GGT1: variants seen among roughly 807,000 people sequenced by gnomAD.
GGT1 encodes the protein gamma-glutamyltransferase 1.
A neutral mutation model predicts 56.0 loss-of-function variants in GGT1; 21 were observed. That is an observed-to-expected ratio of 0.38 (90% CI 0.27 to 0.54). GGT1 has a LOEUF of 0.54. Among genes scored for constraint, GGT1 ranks in the 20% least tolerant of loss-of-function variants. GGT1 has a pLI of 0.82. For missense variants in GGT1, 466 were observed against 787.0 expected (o/e 0.59, Z 4.88); for synonymous variants, 238 against 342.6 (o/e 0.69, Z 3.37).
the GGT1 span, chr22:24,588,216 G>C: frequency 6.2e-7 from 1 of 1,611,516 alleles, no homozygotes; most frequent in Non-Finnish European, 8.5e-7. Context: ...ACCCTTACCA[G>C]CTCTGGGTCT....
Position 24,628,509 on chromosome 22 carries a change from C to T in GGT1, c.1563+121C>T, listed in dbSNP as rs1164545363. The T allele has an allele frequency of 2.2e-6, 3 of 1,347,144 alleles. No homozygotes were observed. The highest frequency in any genetic ancestry group is 2.4e-5 in the East Asian group (1 of 40,932). The allele number at this position is 1,347,144 out of a possible 1,614,324, so 83.4% of individuals were successfully genotyped here. On this transcript the variant is annotated intron_variant, in intron 15 of 15. Transcript: ENST00000400382. This position sits in a 1 kb window ranked among gnomAD's most constrained non-coding sequence, Gnocchi z 5.7. The stretch of plus-strand genomic sequence containing the variant: ...GTCCTCTCTCTAGTGCCTGGGCCAT[C>T]TGGAGCCCCTGTGCCATGAGGGCCA...
chr22:24,612,812 C>T (rs1386588679), intron 5 of GGT1, among the ~76,000 whole-genome samples: 1 of 152,166 alleles, frequency 6.6e-6, no homozygotes, highest in Non-Finnish European at 1.5e-5. Context: ...CAGGCATGAG[C>T]CACCATGCCC....
At chr22:24,595,741 G>A (rs1160322884) in intron 1 of GGT1, among the ~76,000 whole-genome samples, 6 of 152,178 alleles carry the variant, frequency 3.9e-5, no homozygotes, top group East Asian at 1.9e-4. Flanking sequence ...CCACCCATGC[G>A]GTGGCCTAGT....
upstream of GGT1, among the ~76,000 whole-genome samples, chr22:24,594,384 CGTGTGTATGTGTGTGTGTGTGTGT>C (rs998001254): frequency 4.3e-5 from 6 of 140,082 alleles, no homozygotes; most frequent in African/African-American, 1.7e-4. Context: ...GCCAAGCACC[CGTGTGTATGTGTGTGTGTGTGTGT>C]GTGTGTGTGT....
At chr22:24,601,506 T>C (rs3788376), upstream of GGT1, among the ~76,000 whole-genome samples, 111 of 152,322 alleles carry the variant, frequency 7.3e-4, 2 homozygotes, top group East Asian at 0.021. Context: ...TGCAGGTTCC[T>C]ATGCCAGGAG....
At position 24,596,014 on chromosome 22, in the gene GGT1, T is replaced by C. The variant is rs1051253174; in HGVS notation, c.-324+1128T>C. Among the ~76,000 whole-genome samples, 12 of 152,224 alleles carry C rather than the reference T, an allele frequency of 7.9e-5. No individual in the cohort carries two copies. In the South Asian group the frequency reaches 1.0e-3, roughly 13 times the overall value. ...CGCTAGGAGGAAGGAAGCAGATGGA[T>C]ACTCTATGGAGACAGAATGTCCTCT... On this transcript the variant is annotated intron_variant, in intron 1 of 6. Transcript: ENST00000411974.
chr22:24,584,075 C>G, the GGT1 span, among the ~76,000 whole-genome samples: 1 of 152,358 alleles, frequency 6.6e-6, no homozygotes, highest in African/African-American at 2.4e-5. Flanking sequence ...ATCCTCTCTG[C>G]TGGCCCCTCC....
chr22:24,595,057 C>A (rs2045669822), intron 1 of GGT1, among the ~76,000 whole-genome samples: 1 of 152,070 alleles, frequency 6.6e-6, no homozygotes, highest in African/African-American at 2.4e-5. Flanking sequence ...GAGGGCTGAG[C>A]CTGGAGGCAT....
At chr22:24,590,280 A>G (rs1179339380), upstream of GGT1, among the ~76,000 whole-genome samples, 2 of 152,094 alleles carry the variant, frequency 1.3e-5, no homozygotes, top group East Asian at 1.9e-4. Context: ...GACAGGCACC[A>G]CTATGCTCAG....
At chr22:24,596,561 A>C (rs1193854133) in intron 1 of GGT1, among the ~76,000 whole-genome samples, 1 of 152,018 alleles carries the variant, frequency 6.6e-6, no homozygotes, top group Non-Finnish European at 1.5e-5. Context: ...AGTAGCTGGG[A>C]TTATGAGTGA....
chr22:24,614,952 T>C, intron 6 of GGT1, 46 bp downstream of exon 6: 1 of 1,598,520 alleles, frequency 6.3e-7, no homozygotes, highest in South Asian at 1.1e-5. Flanking sequence ...GGGGTGTGGG[T>C]TGGGCCGAGG....
At chr22:24,588,799 C>T in the GGT1 span, 23 of 1,016,804 alleles carry the variant, frequency 2.3e-5, no homozygotes, top group East Asian at 1.6e-3. Context: ...CCAAGCGAGA[C>T]TGCGCCTGCG....
At chr22:24,589,292 A>C in the GGT1 span, 1 of 1,228,988 alleles carries the variant, frequency 8.1e-7, no homozygotes, top group Non-Finnish European at 1.0e-6. Context: ...GCAGGTGGCA[A>C]ACTCCACCCC....
chr22:24,608,669 T>G (rs1390055617), intron 2 of GGT1, among the ~76,000 whole-genome samples: 1 of 152,206 alleles, frequency 6.6e-6, no homozygotes, highest in Non-Finnish European at 1.5e-5. Flanking sequence ...TTTTTGCATT[T>G]TTTTTGAGAC....
At chr22:24,588,236 G>T in the GGT1 span, 1 of 1,613,106 alleles carries the variant, frequency 6.2e-7, no homozygotes, top group South Asian at 1.1e-5. Context: ...TTCCTCTGGC[G>T]CAGGCTGGAC....
At chr22:24,594,273 C>T (rs2045650426), upstream of GGT1, among the ~76,000 whole-genome samples, 1 of 152,054 alleles carries the variant, frequency 6.6e-6, no homozygotes, top group Non-Finnish European at 1.5e-5. Context: ...TCTGCAGTTC[C>T]CACTTCTCTA....
At chr22:24,599,006 A>T (rs533637892), upstream of GGT1, among the ~76,000 whole-genome samples, 1 of 152,358 alleles carries the variant, frequency 6.6e-6, no homozygotes, top group South Asian at 2.1e-4. Context: ...GTCTCAAGTG[A>T]TCCACCCACC....
In GGT1 at chr22:24,620,200, A is replaced by T. The variant is rs1296292059; in HGVS notation, c.383-128A>T. The T allele has an allele frequency of 2.5e-5, 30 of 1,223,060 alleles. 1 individual carries two copies. Among genetic ancestry groups the T allele is most frequent in the African/African-American group, 4.5e-5 (3 of 66,796 alleles). The allele number at this position is 1,223,060 out of a possible 1,614,324, so 75.8% of individuals were successfully genotyped here. A position where few individuals can be genotyped will look rare whatever the true frequency, so the allele number is the denominator to read the frequency against. On this transcript the variant is annotated intron_variant, in intron 7 of 15. Coordinates refer to ENST00000400382, the MANE Select transcript of GGT1 (RefSeq NM_001288833.2). This position sits in a 1 kb window ranked among gnomAD's most constrained non-coding sequence, Gnocchi z 5.6. ...ACCCCAACTCAAAAAAGAAAAAAAA[A>T]AAATCTTTCCTCCTAAGCCTCATTG...
chr22:24,592,589 C>A, upstream of GGT1: 1 of 497,470 alleles, frequency 2.0e-6, no homozygotes, highest in Non-Finnish European at 3.6e-6. Context: ...TCTCAAACCC[C>A]AAAGACCCGG....
Sources: allele counts gnomAD v4.1 joint callset (sites outside exome capture counted in the v4.1 genomes callset), GRCh38; gene constraint gnomAD v4.1.1; non-coding constraint Gnocchi (gnomAD v3.1); transcripts MANE v1.5; gene names NCBI Gene and HGNC (gene_info 2026-07-23, HGNC 2026-07-21).